Variants in ANKLE2 observed in about 807,000 individuals in gnomAD.
ANKLE2 encodes the protein ankyrin repeat and LEM domain-containing protein 2.
In ANKLE2, 55 loss-of-function variants were observed where a neutral mutation model predicts 84.2. The observed-to-expected ratio is 0.65, with a 90% confidence interval of 0.53 to 0.82. The LOEUF is 0.82. Among genes scored for constraint, ANKLE2 ranks in the 40% least tolerant of loss-of-function variants. The pLI, the probability that ANKLE2 is intolerant of heterozygous loss-of-function variation, is 0.00. For synonymous variants in ANKLE2, 551 were observed against 486.1 expected (o/e 1.13, Z -1.76); for missense variants, 1,238 against 1,201.9 (o/e 1.03, Z -0.44).
chr12:132,734,514 C>T lies in ANKLE2; in HGVS notation c.1762G>A (p.Val588Ile). The change falls in exon 10 of 13, where the codon GTT (valine) becomes ATT (isoleucine). Residue 588 changes from valine to isoleucine, a missense_variant. Physicochemically the swap from Val to Ile is conservative, Grantham distance 29 (BLOSUM62 3). This residue lies in a region of ANKLE2 where 802 missense variants were observed against 774.5 expected (regional missense o/e 1.04). Coordinates refer to ENST00000357997, the MANE Select transcript of ANKLE2 (RefSeq NM_015114.3). Reference protein sequence around the residue: ...VEYWEFLGCFVDLSSQEGLQR... With the variant: ...VEYWEFLGCFIDLSSQEGLQR... ...AGGCCTTCCTGGGAAGACAGATCAA[C>T]AAAACAGCCCAGAAATTCCCAGTAT... The T allele has an allele frequency of 1.9e-6, 3 of 1,614,084 alleles. No homozygotes were observed. The highest frequency in any genetic ancestry group is 2.5e-6 in the Non-Finnish European group (3 of 1,180,008).
rs554738634 is a variant in ANKLE2 at position 132,754,102 on chromosome 12, C to T, written c.640+573G>A. 3.3e-3 allele frequency among the ~76,000 whole-genome samples: 493 copies of T among 151,656 alleles called. 4 individuals are homozygous for T. The highest frequency in any genetic ancestry group is 0.011 in the African/African-American group (461 of 41,344). On this transcript the variant is annotated intron_variant, in intron 2 of 12. Coordinates refer to ENST00000357997, the MANE Select transcript of ANKLE2 (RefSeq NM_015114.3). Reference sequence around the variant, plus strand: ...CTAAAAATACAAAAAATTAGCCAGGCGCGGTGGCAGGCGCCTGTAATCCCA... The same window carrying T: ...CTAAAAATACAAAAAATTAGCCAGGTGCGGTGGCAGGCGCCTGTAATCCCA...
intron 10 of ANKLE2, among the ~76,000 whole-genome samples, chr12:132,732,682 C>T (rs2043899200): frequency 8.3e-6 from 1 of 120,364 alleles, no homozygotes; most frequent in Non-Finnish European, 1.8e-5. Context: ...GTGTGAAGCT[C>T]TCTGCGTCCT....
chr12:132,734,338 A>G (rs1212976376), intron 10 of ANKLE2, 47 bp downstream of exon 10: 1 of 1,599,996 alleles, frequency 6.3e-7, no homozygotes, highest in South Asian at 1.1e-5. Context: ...GACCCCGGCC[A>G]TGGGGGGCCC....
intron 5 of ANKLE2, chr12:132,745,124 G>GGCTCCCACAGCA (rs2044208738): frequency 6.6e-6 from 1 of 152,642 alleles, no homozygotes; most frequent in African/African-American, 2.4e-5. Context: ...CTCCCACAGC[G>GGCTCCCACAGCA]CCCGCACCGC....
Position 132,743,351 on chromosome 12 carries a change from T to C in ANKLE2, c.1231-75A>G. 3 of 1,420,006 alleles carry C rather than the reference T, an allele frequency of 2.1e-6. No individual in the cohort carries two copies. The highest frequency in any genetic ancestry group is 2.8e-6 in the Non-Finnish European group (3 of 1,062,840). The allele number at this position is 1,420,006 out of a possible 1,614,324, so 88.0% of individuals were successfully genotyped here. On this transcript the variant is annotated intron_variant, in intron 5 of 12. Transcript: ENST00000357997. This position sits in a 1 kb window ranked among gnomAD's most constrained non-coding sequence, Gnocchi z 4.1. ...GTTGCTCTAAGGTGAAAATACATAT[T>C]CATTCATTCATTCATTCATTTATTT...
At chr12:132,732,681 T>A (rs867468461) in intron 10 of ANKLE2, among the ~76,000 whole-genome samples, 2 of 77,348 alleles carry the variant, frequency 2.6e-5, no homozygotes, top group Admixed American at 1.3e-4. Context: ...CGTGTGAAGC[T>A]CTCTGCGTCC....
rs2044274029 is a variant in ANKLE2 at position 132,747,948 on chromosome 12, C to T, written c.1114G>A (p.Asp372Asn). 1 of 1,600,356 alleles carries T rather than the reference C, an allele frequency of 6.2e-7. No individual in the cohort carries two copies. The highest frequency in any genetic ancestry group is 1.4e-5 in the African/African-American group (1 of 73,738). The change falls in exon 5 of 13, where the codon GAC becomes AAC. Residue 372 changes from aspartate (D) to asparagine (N), a missense_variant. Asp to Asn is a conservative substitution (Grantham distance 23, BLOSUM62 1). Transcript: ENST00000357997. ...ATGAAGTCAGGGTTCTCCAGGACGTCCAGAGTCAGCTGGCAGATGGAAGCC... is the reference window on the plus strand; with the variant it reads ...ATGAAGTCAGGGTTCTCCAGGACGTTCAGAGTCAGCTGGCAGATGGAAGCC... ...NQASICQLTL[D>N]VLENPDFMRL...
At chr12:132,751,959 G>A (rs761428951) in intron 2 of ANKLE2, among the ~76,000 whole-genome samples, 6 of 152,268 alleles carry the variant, frequency 3.9e-5, no homozygotes, top group Admixed American at 2.6e-4. Context: ...TGAGACTATC[G>A]TAAATACATA....
In ANKLE2 at chr12:132,741,430, T is replaced by G; in HGVS notation, c.1409A>C (p.Glu470Ala). Residue 470 changes from glutamate (E) to alanine (A), a missense_variant, in exon 7 of 13, where the codon GAG (glutamate) becomes GCG (alanine). Glu to Ala is a moderately radical substitution (Grantham distance 107, BLOSUM62 -1). Transcript: ENST00000357997. ...KSVELKERIR[E>A]YLKGHYYVPL... ...ACTCCCCATCTTACCCTTTAAATAC[T>G]CTCTGATCCGCTCCTTCAGTTCCAC... The G allele has an allele frequency of 6.2e-7, 1 of 1,614,228 alleles. No homozygotes were observed. Among genetic ancestry groups the G allele is most frequent in the East Asian group, 2.2e-5 (1 of 44,872 alleles).
intron 1 of ANKLE2, chr12:132,757,147 G>A (rs762816826): frequency 2.0e-5 from 3 of 152,176 alleles, no homozygotes; most frequent in South Asian, 2.1e-4. Context: ...CACCATTACC[G>A]TGTGAACAGG....
At position 132,761,692 on chromosome 12, in the gene ANKLE2, CCCAGCCGCCGCA is replaced by C; in HGVS notation, c.95_106del (p.Val32_Leu35del). 3 of 1,348,120 alleles carry C rather than the reference CCCAGCCGCCGCA, an allele frequency of 2.2e-6. No individual in the cohort carries two copies. Among genetic ancestry groups the C allele is most frequent in the Non-Finnish European group, 2.9e-6 (3 of 1,042,266 alleles). 83.5% of individuals were successfully genotyped at this position (1,348,120 alleles called of 1,614,324 possible). The stretch of plus-strand genomic sequence containing the variant: ...GCGGCCCAGACCTCCCGGCCGCGGG[CCCAGCCGCCGCA>C]CCAGCCACCGCACAGCGATCAGCAG... On this transcript the variant is annotated inframe_deletion, in exon 1 of 13. Transcript: ENST00000357997.
intron 3 of ANKLE2, among the ~76,000 whole-genome samples, 170 bp from the exon 4 acceptor site, chr12:132,748,501 A>G (rs1177230943): frequency 6.6e-6 from 1 of 152,204 alleles, no homozygotes; most frequent in Non-Finnish European, 1.5e-5. Context: ...CCCAGCATGC[A>G]ACGCAATCAA....
At chr12:132,736,531 C>T (rs2044012705) in intron 8 of ANKLE2, among the ~76,000 whole-genome samples, 1 of 151,742 alleles carries the variant, frequency 6.6e-6, no homozygotes, top group South Asian at 2.1e-4. Context: ...GCAGATGGAG[C>T]TTTCCTAGTC....
rs2044634306 is a variant in ANKLE2 at position 132,761,827 on chromosome 12, A to G, written c.-29T>C. ...CGCCGCCCGGGCCGCAGCCGCCGAG[A>G]AGCCCGCGCCCCGCGCCGCGCCCGT... On this transcript the variant is annotated 5_prime_UTR_variant, in exon 1 of 13. Transcript: ENST00000357997. 1 of 996,914 alleles carries G rather than the reference A, an allele frequency of 1.0e-6. No homozygotes were observed. The highest frequency in any genetic ancestry group is 1.2e-6 in the Non-Finnish European group (1 of 839,660). 61.8% of individuals were successfully genotyped at this position (996,914 alleles called of 1,614,324 possible).
intron 10 of ANKLE2, chr12:132,732,184 G>T: frequency 6.9e-6 from 1 of 145,068 alleles, no homozygotes; most frequent in African/African-American, 2.6e-5. Flanking sequence ...TACGCACCGT[G>T]TGAAGCGCTC....
At chr12:132,745,845 C>A in intron 5 of ANKLE2, 1 of 154,162 alleles carries the variant, frequency 6.5e-6, no homozygotes, top group South Asian at 1.8e-4. Context: ...CCAGCCAGGA[C>A]GCACACGCAG....
chr12:132,725,745 GATC>G lies in ANKLE2; in HGVS notation c.*1494_*1496del, dbSNP rs1469260851. ...ATATGGTAAGATTTTAGAGAAAACA[GATC>G]ATCACTACGAATATCCATATTCTGA... On this transcript the variant is annotated 3_prime_UTR_variant, in exon 13 of 13. Coordinates refer to ENST00000357997, the MANE Select transcript of ANKLE2 (RefSeq NM_015114.3). The G allele has an allele frequency of 6.6e-6, 1 of 152,240 alleles. No homozygotes were observed. The highest frequency in any genetic ancestry group is 1.5e-5 in the Non-Finnish European group (1 of 68,048). The allele number at this position is 152,240 out of a possible 1,614,324, so 9.4% of individuals were successfully genotyped here.
rs376761964 is a variant in ANKLE2 at position 132,730,269 on chromosome 12, G to A, written c.1893C>T (p.Gly631=). 2.4e-5 allele frequency: 37 copies of A among 1,554,120 alleles called. No individual in the cohort carries two copies. Among genetic ancestry groups the A allele is most frequent in the Non-Finnish European group, 2.8e-5 (32 of 1,148,982 alleles). Residue 631 remains glycine (G), a splice_region_variant and synonymous_variant, in exon 11 of 13, where the codon GGC becomes GGT. Transcript: ENST00000357997. Reference sequence around the variant, plus strand: ...ACGCCCTCACGGAAATGGAATTGCTGCCTGTGAGGACAACAAGGAGCACTT... The same window carrying A: ...ACGCCCTCACGGAAATGGAATTGCTACCTGTGAGGACAACAAGGAGCACTT... ...ASCRDKATTS[G]SNSISVRAFL... is the part of the protein sequence containing the mutation.
At chr12:132,741,769 G>A (rs557053210) in intron 6 of ANKLE2, 11 of 560,000 alleles carry the variant, frequency 2.0e-5, no homozygotes, top group East Asian at 1.3e-4. Flanking sequence ...AGGTACCAGC[G>A]CATCGAGTAA....
Sources: gnomAD v4.1 joint callset for allele counts (sites outside exome capture counted in the v4.1 genomes callset) on GRCh38, gnomAD v4.1.1 for gene constraint, gnomAD v4.1.1 regional missense constraint, Gnocchi (gnomAD v3.1) non-coding constraint, MANE v1.5 for transcripts, NCBI Gene and HGNC (gene_info 2026-07-23, HGNC 2026-07-21) for gene names.